Variants in MTUS2 observed in about 807,000 individuals in gnomAD.
MTUS2 encodes microtubule-associated tumor suppressor candidate 2.
MTUS2 carries 40 observed loss-of-function variants against 114.1 expected under a neutral mutation model. The observed-to-expected ratio is 0.35, with a 90% CI of 0.27 to 0.46. MTUS2 has a LOEUF of 0.46. Ranked by LOEUF, MTUS2 falls within the 20% of genes least tolerant of loss-of-function variation. The pLI is 1.00. For synonymous variants in MTUS2, 688 were observed against 672.0 expected (o/e 1.02, Z -0.37); for missense variants, 1,679 against 1,705.4 (o/e 0.98, Z 0.27).
intron 10 of MTUS2, among the ~76,000 whole-genome samples, chr13:29,486,163 G>A (rs1282461552): frequency 6.6e-6 from 1 of 152,182 alleles, no homozygotes; most frequent in Non-Finnish European, 1.5e-5. Context: ...TGAGCTTCAA[G>A]TAAATACGGT....
intron 6 of MTUS2, among the ~76,000 whole-genome samples, chr13:29,316,694 G>A (rs1249948616): frequency 1.3e-5 from 2 of 152,176 alleles, no homozygotes. Context: ...AGAAGTTGCA[G>A]GTTCAGGCAC....
At chr13:29,308,539 G>C (rs1899592723) in intron 6 of MTUS2, among the ~76,000 whole-genome samples, 1 of 152,156 alleles carries the variant, frequency 6.6e-6, no homozygotes, top group Non-Finnish European at 1.5e-5. Context: ...TGTGACTAAA[G>C]CAAAACTTGA....
intron 4 of MTUS2, among the ~76,000 whole-genome samples, chr13:29,041,435 T>C (rs923321798): frequency 6.6e-6 from 1 of 152,194 alleles, no homozygotes; most frequent in African/African-American, 2.4e-5. Flanking sequence ...TGTGGATTCT[T>C]TTTTGGTTCT....
chr13:29,477,523 A>G lies in MTUS2; in HGVS notation c.3185-2627A>G, dbSNP rs372570658. On this transcript the variant is annotated intron_variant, in intron 9 of 15. Transcript: ENST00000612955. ...CCACATTGCCTATCAGTCATTGTTC[A>G]TTAAGTTCCTTGTGTGGGGACTGTA... Among the ~76,000 whole-genome samples, 12 of 152,242 alleles carry G rather than the reference A, an allele frequency of 7.9e-5. No individual in the cohort carries two copies. In the South Asian group the frequency reaches 2.5e-3, roughly 32 times the overall value.
intron 2 of MTUS2, among the ~76,000 whole-genome samples, chr13:28,945,993 T>A (rs2138152509): frequency 6.6e-6 from 1 of 152,346 alleles, no homozygotes; most frequent in Middle Eastern, 3.4e-3. Flanking sequence ...TGGATGATGA[T>A]GTATTCAGTA....
intron 2 of MTUS2, among the ~76,000 whole-genome samples, chr13:28,937,415 C>T (rs1455942118): frequency 6.6e-6 from 1 of 152,126 alleles, no homozygotes; most frequent in Non-Finnish European, 1.5e-5. Context: ...CTGGCCACCC[C>T]AGCCATCAGC....
chr13:28,924,581 A>C lies in MTUS2; in HGVS notation c.-243+84731A>C, dbSNP rs1881225666. 2.0e-5 allele frequency among the ~76,000 whole-genome samples: 3 copies of C among 152,136 alleles called. No individual in the cohort carries two copies. In the South Asian group the frequency reaches 6.2e-4, roughly 32 times the overall value. ...AAAGTTTAAATCTACGTGCATAGGG[A>C]ATAAAGGCGGGGAGCTGCTGCTGCC... On this transcript the variant is annotated intron_variant, in intron 2 of 15. Coordinates refer to ENST00000612955, the MANE Select transcript of MTUS2 (RefSeq NM_001033602.4).
chr13:29,064,998 G>A (rs1389291922), intron 4 of MTUS2, among the ~76,000 whole-genome samples: 1 of 152,176 alleles, frequency 6.6e-6, no homozygotes, highest in Non-Finnish European at 1.5e-5. Flanking sequence ...CGGTATGTAT[G>A]TTCCACATTT....
At chr13:29,052,962 C>G (rs978537717) in intron 4 of MTUS2, among the ~76,000 whole-genome samples, 4 of 152,186 alleles carry the variant, frequency 2.6e-5, no homozygotes, top group Non-Finnish European at 5.9e-5. Flanking sequence ...TCACTGGGCA[C>G]TCATTCTCTC....
intron 2 of MTUS2, among the ~76,000 whole-genome samples, chr13:28,870,785 A>G (rs1877571776): frequency 6.6e-6 from 1 of 152,168 alleles, no homozygotes; most frequent in Non-Finnish European, 1.5e-5. Flanking sequence ...TGAGAGGAGA[A>G]AGTGGATTGC....
chr13:29,119,581 T>C (rs1230825150), intron 5 of MTUS2, among the ~76,000 whole-genome samples: 2 of 152,192 alleles, frequency 1.3e-5, no homozygotes, highest in Non-Finnish European at 2.9e-5. Context: ...AGGTAAAAAG[T>C]CAACTAAAAT....
intron 2 of MTUS2, among the ~76,000 whole-genome samples, chr13:29,020,294 G>A (rs1886239562): frequency 6.6e-6 from 1 of 152,172 alleles, no homozygotes; most frequent in South Asian, 2.1e-4. Flanking sequence ...TCAACTAGGG[G>A]TTTGTACCAT....
chr13:29,257,463 C>T (rs546530426), intron 5 of MTUS2, among the ~76,000 whole-genome samples: 6 of 152,254 alleles, frequency 3.9e-5, no homozygotes, highest in East Asian at 3.9e-4. Context: ...GCATGGAATG[C>T]GAAAGGCATC....
chr13:29,497,723 A>T, intron 13 of MTUS2: 1 of 201,406 alleles, frequency 5.0e-6, no homozygotes, highest in Non-Finnish European at 1.0e-5. Flanking sequence ...AGTTGAGGGG[A>T]ATTTTTTCCA....
At position 28,883,044 on chromosome 13, in the gene MTUS2, C is replaced by T. The variant is rs114981186; in HGVS notation, c.-243+43194C>T. ...GGATATACAGATGGCAAATAAGACACGAAAAGATGTTCATATCTTTACCCA... is the reference window on the plus strand; with the variant it reads ...GGATATACAGATGGCAAATAAGACATGAAAAGATGTTCATATCTTTACCCA... On this transcript the variant is annotated intron_variant, in intron 2 of 15. Transcript: ENST00000612955. Among the ~76,000 whole-genome samples, 630 of 152,202 alleles carry T rather than the reference C, an allele frequency of 4.1e-3. 4 individuals are homozygous for T. The highest frequency in any genetic ancestry group is 0.014 in the African/African-American group (594 of 41,530).
intron 5 of MTUS2, among the ~76,000 whole-genome samples, chr13:29,200,361 G>A (rs544426457): frequency 6.6e-6 from 1 of 151,928 alleles, no homozygotes; most frequent in South Asian, 2.1e-4. Context: ...CACTGCTTTA[G>A]CTGTGTCCCA....
rs1897702377 is a variant in MTUS2 at position 29,267,298 on chromosome 13, C to T, written c.2645-14406C>T. Among the ~76,000 whole-genome samples the T allele has an allele frequency of 2.6e-5, 4 of 152,278 alleles. No individual in the cohort carries two copies. In the South Asian group the frequency reaches 8.3e-4, roughly 32 times the overall value. On this transcript the variant is annotated intron_variant, in intron 5 of 15. Transcript: ENST00000612955. ...TGAGAGGAATGTTTGTTGTAAATGC[C>T]AACTCCTCCAAGAGGTCCTCCCAAC...
At chr13:28,938,954 T>G (rs1284670147) in intron 2 of MTUS2, among the ~76,000 whole-genome samples, 2 of 152,218 alleles carry the variant, frequency 1.3e-5, no homozygotes, top group Non-Finnish European at 2.9e-5. Flanking sequence ...GTAGGTGGAC[T>G]GTGCAATCAG....
At chr13:29,087,977 T>A (rs1300394618) in intron 4 of MTUS2, among the ~76,000 whole-genome samples, 1 of 149,434 alleles carries the variant, frequency 6.7e-6, no homozygotes, top group Non-Finnish European at 1.5e-5. Context: ...GAGAATGGCA[T>A]GAACCTGGGA....
Sources: allele counts gnomAD v4.1 joint callset (sites outside exome capture counted in the v4.1 genomes callset), GRCh38; gene constraint gnomAD v4.1.1; transcripts MANE v1.5; gene names NCBI Gene and HGNC (gene_info 2026-07-23, HGNC 2026-07-21).